CRYL1: variants seen among roughly 807,000 people sequenced by gnomAD.
The protein encoded by CRYL1 is crystallin lambda 1, also known as lambda-crystallin homolog.
Under a neutral mutation model 36.6 loss-of-function variants are expected in CRYL1, and 29 were observed. That is an observed-to-expected ratio of 0.79 (90% CI 0.59 to 1.08). The LOEUF (loss-of-function observed/expected upper bound fraction) is 1.08. CRYL1 is among the 50% of genes least tolerant of loss of function. CRYL1 has a pLI of 0.00. For synonymous variants in CRYL1, 152 were observed against 151.5 expected (o/e 1.00, Z -0.02); for missense variants, 411 against 407.9 (o/e 1.01, Z -0.06).
At chr13:20,498,861 C>T (rs540668705) in intron 2 of CRYL1, among the ~76,000 whole-genome samples, 1 of 152,204 alleles carries the variant, frequency 6.6e-6, no homozygotes, top group Non-Finnish European at 1.5e-5. Flanking sequence ...AAATGAATGA[C>T]TGTTTTATAG....
intron 3 of CRYL1, among the ~76,000 whole-genome samples, chr13:20,472,060 CA>C (rs1298135978): frequency 6.6e-6 from 1 of 152,060 alleles, no homozygotes; most frequent in Non-Finnish European, 1.5e-5. Flanking sequence ...CGGGTTTCGC[CA>C]TATTGACCAG....
At chr13:20,439,976 A>C in intron 3 of CRYL1, 1 of 455,418 alleles carries the variant, frequency 2.2e-6, no homozygotes, top group Non-Finnish European at 3.9e-6. Flanking sequence ...GCCATAAAAG[A>C]ATTTTCTGCC....
intron 5 of CRYL1, among the ~76,000 whole-genome samples, chr13:20,422,331 A>G (rs927506990): frequency 2.0e-4 from 30 of 149,090 alleles, no homozygotes; most frequent in African/African-American, 7.1e-4. Context: ...TTGCACTCCA[A>G]CCTGGGCCAC....
At position 20,481,181 on chromosome 13, in the gene CRYL1, A is replaced by G. The variant is rs1323599613; in HGVS notation, c.276+8189T>C. Among the ~76,000 whole-genome samples the G allele has an allele frequency of 1.3e-5, 2 of 152,232 alleles. 1 individual carries two copies. Among genetic ancestry groups the G allele is most frequent in the Non-Finnish European group, 2.9e-5 (2 of 68,046 alleles). ...GAAAACTGAAGGCTCGTGCTTCCAG[A>G]TGATCTCGTGAGTGTGTGAGGTGGG... On this transcript the variant is annotated intron_variant, in intron 3 of 7. Transcript: ENST00000298248. This position sits in a 1 kb window ranked among gnomAD's most constrained non-coding sequence, Gnocchi z 4.1.
At chr13:20,492,063 C>T (rs993009547) in intron 2 of CRYL1, among the ~76,000 whole-genome samples, 6 of 152,090 alleles carry the variant, frequency 3.9e-5, no homozygotes, top group African/African-American at 1.2e-4. Flanking sequence ...AAAAAGGAAA[C>T]GCAGACATTC....
intron 3 of CRYL1, among the ~76,000 whole-genome samples, chr13:20,468,929 C>T (rs1028288522): frequency 8.5e-5 from 13 of 152,108 alleles, no homozygotes; most frequent in Non-Finnish European, 1.3e-4. Context: ...AGTTTTCTAG[C>T]ATCTAGTGCT....
rs1424770972 is a variant in CRYL1 at position 20,415,254 on chromosome 13, G to A, written c.634-1867C>T. Among the ~76,000 whole-genome samples the A allele has an allele frequency of 6.6e-6, 1 of 152,220 alleles. No individual in the cohort carries two copies. Among genetic ancestry groups the A allele is most frequent in the Middle Eastern group, 3.2e-3 (1 of 316 alleles). On this transcript the variant is annotated intron_variant, in intron 5 of 7. Transcript: ENST00000298248. This position sits in a 1 kb window ranked among gnomAD's most constrained non-coding sequence, Gnocchi z 4.1. Reference sequence around the variant, plus strand: ...GGACCCTGGCACAGCGGCCTGCAGGGAGGCACCCTCTGCCCTGCTGCGAGC... The same window carrying A: ...GGACCCTGGCACAGCGGCCTGCAGGAAGGCACCCTCTGCCCTGCTGCGAGC...
At chr13:20,426,281 T>TAA (rs35582177) in intron 5 of CRYL1, among the ~76,000 whole-genome samples, 98,688 of 144,374 alleles carry the variant, frequency 0.68, 35,185 homozygotes, top group Non-Finnish European at 0.8. Flanking sequence ...TATCTTTATT[T>TAA]AAAAAAAAAA....
In CRYL1 at chr13:20,435,631, G is replaced by A. The variant is rs893092538; in HGVS notation, c.439-3335C>T. On this transcript the variant is annotated intron_variant, in intron 4 of 7. Coordinates refer to ENST00000298248, the MANE Select transcript of CRYL1 (RefSeq NM_015974.3). The surrounding 1 kb of genome is among the most constrained non-coding windows in gnomAD (Gnocchi z 4.0). ...CCCGCCCCAAACCTTCCATGTGGGA[G>A]TGTGCGAGGTGGACTCGGAAACACG... 6.6e-6 allele frequency among the ~76,000 whole-genome samples: 1 copy of A among 152,326 alleles called. No individual in the cohort carries two copies. Among genetic ancestry groups the A allele is most frequent in the South Asian group, 2.1e-4 (1 of 4,832 alleles).
chr13:20,479,808 C>T (rs548877552), intron 3 of CRYL1, among the ~76,000 whole-genome samples: 46 of 152,252 alleles, frequency 3.0e-4, no homozygotes, highest in Middle Eastern at 6.8e-3. Context: ...TCCTAAAGAA[C>T]CCTGGAAGGA....
chr13:20,420,152 C>T (rs1455628430), intron 5 of CRYL1, among the ~76,000 whole-genome samples: 2 of 152,226 alleles, frequency 1.3e-5, no homozygotes, highest in East Asian at 1.9e-4. Context: ...TTGAACACCA[C>T]CACATTGAAC....
Position 20,415,123 on chromosome 13 carries a change from C to A in CRYL1, c.634-1736G>T, listed in dbSNP as rs1388339746. On this transcript the variant is annotated intron_variant, in intron 5 of 7. Coordinates refer to ENST00000298248, the MANE Select transcript of CRYL1 (RefSeq NM_015974.3). This position sits in a 1 kb window ranked among gnomAD's most constrained non-coding sequence, Gnocchi z 4.1. Reference sequence around the variant, plus strand: ...TTCCCTACCCCGGGGCACCTCCCCTCGCCCGCACCCGGCCCCAGTCCCTCC... The same window carrying A: ...TTCCCTACCCCGGGGCACCTCCCCTAGCCCGCACCCGGCCCCAGTCCCTCC... 6.6e-6 allele frequency among the ~76,000 whole-genome samples: 1 copy of A among 152,176 alleles called. No individual in the cohort carries two copies. The highest frequency in any genetic ancestry group is 2.4e-5 in the African/African-American group (1 of 41,460).
chr13:20,522,195 C>T (rs1055784806), intron 1 of CRYL1, among the ~76,000 whole-genome samples: 3 of 152,026 alleles, frequency 2.0e-5, no homozygotes, highest in South Asian at 2.1e-4. Context: ...ACTAAAAATA[C>T]GAAAATTAGC....
In CRYL1 at chr13:20,439,605, G is replaced by T; in HGVS notation, c.426C>A (p.Ile142=). 6.3e-7 allele frequency: 1 copy of T among 1,589,770 alleles called. No homozygotes were observed. The highest frequency in any genetic ancestry group is 8.6e-7 in the Non-Finnish European group (1 of 1,166,490). ...TTAAAATACTCACAGGATGAGCCAC[G>T]ATGCATTGCTTCACATGGACCAAGC... The part of the protein sequence containing the change: ...FAGLVHVKQC[I]VAHPVNPPYY... Residue 142 remains isoleucine, a synonymous_variant, in exon 4 of 8, where the codon ATC becomes ATA. Transcript: ENST00000298248.
intron 2 of CRYL1, among the ~76,000 whole-genome samples, chr13:20,490,624 CT>C (rs1290650369): frequency 7.1e-6 from 1 of 141,158 alleles, no homozygotes; most frequent in Non-Finnish European, 1.6e-5. Context: ...ATCTTAATTA[CT>C]TTTTTTAAAA....
intron 6 of CRYL1, 39 bp from the exon 7 acceptor site, chr13:20,404,780 A>T (rs200417608): frequency 7.2e-7 from 1 of 1,380,186 alleles, no homozygotes; most frequent in African/African-American, 1.4e-5. Context: ...AATCTCAGAA[A>T]AAAACATTCT....
intron 3 of CRYL1, among the ~76,000 whole-genome samples, chr13:20,477,673 TA>T (rs1428993247): frequency 3.4e-5 from 5 of 146,812 alleles, no homozygotes; most frequent in African/African-American, 1.2e-4. Context: ...ATTAAATATA[TA>T]AAAATATTTT....
chr13:20,413,579 A>G (rs958042415), intron 5 of CRYL1, among the ~76,000 whole-genome samples, 192 bp from the exon 6 acceptor site: 10 of 152,230 alleles, frequency 6.6e-5, no homozygotes, highest in African/African-American at 2.4e-4. Flanking sequence ...AGATTTTGGA[A>G]TATTAGCATA....
rs754088805 is a variant in CRYL1, at chr13:20,446,335, C to G, written c.277-6581G>C. Among the ~76,000 whole-genome samples the G allele has an allele frequency of 8.6e-4, 131 of 152,192 alleles. 2 individuals are homozygous for G. Among genetic ancestry groups the G allele is most frequent in the Non-Finnish European group, 8.2e-4 (56 of 68,034 alleles). On this transcript the variant is annotated intron_variant, in intron 3 of 7. Coordinates refer to ENST00000298248, the MANE Select transcript of CRYL1 (RefSeq NM_015974.3). Reference sequence around the variant, plus strand: ...CCATGTTGGCCAGGCTGTTCTCAAACTCCTGACCTCAGGTGATCCACCTGC... The same window carrying G: ...CCATGTTGGCCAGGCTGTTCTCAAAGTCCTGACCTCAGGTGATCCACCTGC...
Sources: allele counts gnomAD v4.1 joint callset (sites outside exome capture counted in the v4.1 genomes callset), GRCh38; gene constraint gnomAD v4.1.1; non-coding constraint Gnocchi (gnomAD v3.1); transcripts MANE v1.5; gene names NCBI Gene and HGNC (gene_info 2026-07-23, HGNC 2026-07-21).